OR4F15: variants seen among roughly 807,000 people sequenced by gnomAD.
OR4F15 encodes olfactory receptor 4F15.
In OR4F15, 7 loss-of-function variants were observed where a neutral mutation model predicts 11.9. The ratio of observed to expected loss-of-function variants is 0.59; its 90% CI spans 0.33 to 1.10. OR4F15 has a LOEUF of 1.10. Among genes scored for constraint, OR4F15 ranks in the 50% least tolerant of loss-of-function variants. OR4F15 has a pLI of 0.03. For missense variants in OR4F15, 445 were observed against 377.5 expected (o/e 1.18, Z -1.48); for synonymous variants, 151 against 134.6 (o/e 1.12, Z -0.84).
intron 1 of OR4F15, among the ~76,000 whole-genome samples, chr15:101,817,108 A>G: frequency 6.6e-6 from 1 of 152,216 alleles, no homozygotes; most frequent in East Asian, 1.9e-4. Flanking sequence ...AAAATCATTT[A>G]TAAAATGAAG....
At chr15:101,813,460 G>A (rs187851048) in intron 1 of OR4F15, among the ~76,000 whole-genome samples, 440 of 147,764 alleles carry the variant, frequency 3.0e-3, no homozygotes, top group African/African-American at 0.011. Context: ...AGTGAACCGA[G>A]ATTGTGCCAT....
rs761855086 is a variant in OR4F15 at position 101,819,038 on chromosome 15, A to G, written c.852A>G (p.Pro284=). Reference sequence around the variant, plus strand: ...CATTTATTACTCCTTTTCTGAATCCAGTTATCTACACATTCAGGAACAAAG... The same window carrying G: ...CATTTATTACTCCTTTTCTGAATCCGGTTATCTACACATTCAGGAACAAAG... ...FDAFITPFLN[P]VIYTFRNKDM... Residue 284 remains proline (P), a synonymous_variant, in exon 2 of 2, where the codon CCA becomes CCG. Coordinates refer to ENST00000332238, the MANE Select transcript of OR4F15 (RefSeq NM_001001674.2). The G allele has an allele frequency of 1.2e-6, 2 of 1,613,770 alleles. No individual in the cohort carries two copies. The highest frequency in any genetic ancestry group is 1.3e-5 in the African/African-American group (1 of 74,868).
Position 101,819,091 on chromosome 15 carries a change from GC to G in OR4F15, c.906del (p.Cys302Ter). On this transcript the variant is annotated frameshift_variant, in exon 2 of 2. Transcript: ENST00000332238. LOFTEE classifies it high-confidence loss of function. ...ATGAAAGTGGCAATGAGGAGACTGT[GC>G]AGTCGTCTTGCGCATTTTACAAAGA... ...KDMKVAMRRLCSRLAHFTKIL is the reference protein window; with the variant it reads ...KDMKVAMRRLXSRLAHFTKIL 1 of 1,612,440 alleles carries G rather than the reference GC, an allele frequency of 6.2e-7. No homozygotes were observed. The highest frequency in any genetic ancestry group is 2.2e-5 in the East Asian group (1 of 44,822).
intron 1 of OR4F15, 145 bp from the exon 2 acceptor site, chr15:101,818,005 A>T (rs1903019905): frequency 3.5e-6 from 2 of 567,968 alleles, no homozygotes; most frequent in Non-Finnish European, 6.2e-6. Flanking sequence ...TGACCCCTCT[A>T]AGTGGAAGTC....
chr15:101,816,569 G>C (rs1419489790), intron 1 of OR4F15, among the ~76,000 whole-genome samples: 3 of 152,006 alleles, frequency 2.0e-5, no homozygotes, highest in Non-Finnish European at 4.4e-5. Context: ...AATGTAACAA[G>C]TATTTACTGT....
In OR4F15 at chr15:101,818,654, A is replaced by G. The variant is rs1596374230; in HGVS notation, c.468A>G (p.Ser156=). ...CCTCTATCATTGGCCTTATCCACTC[A>G]TTGGTCCAATTAGTTTTTGTGGTAG... ...ATSSIIGLIH[S]LVQLVFVVDL... The change falls in exon 2 of 2, where the codon TCA becomes TCG. Residue 156 remains serine, a synonymous_variant. Transcript: ENST00000332238. 1.9e-6 allele frequency: 3 copies of G among 1,614,030 alleles called. No homozygotes were observed. Among genetic ancestry groups the G allele is most frequent in the Non-Finnish European group, 2.5e-6 (3 of 1,179,968 alleles).
Position 101,819,183 on chromosome 15 carries a change from A to G in OR4F15, c.*58A>G, listed in dbSNP as rs940950935. On this transcript the variant is annotated 3_prime_UTR_variant, in exon 2 of 2. Transcript: ENST00000332238. ...TTACTCCTCATGCTGATTGCATAAA[A>G]GAAACTGCAATTTCAGAGAAATACT... The G allele has an allele frequency of 8.7e-7, 1 of 1,149,754 alleles. No individual in the cohort carries two copies. The highest frequency in any genetic ancestry group is 2.0e-4 in the Middle Eastern group (1 of 4,980). 71.2% of individuals were successfully genotyped at this position (1,149,754 alleles called of 1,614,324 possible).
chr15:101,819,144 T>G lies in OR4F15; in HGVS notation c.*19T>G. 1 of 1,498,228 alleles carries G rather than the reference T, an allele frequency of 6.7e-7. No homozygotes were observed. Among genetic ancestry groups the G allele is most frequent in the East Asian group, 2.3e-5 (1 of 42,880 alleles). 92.8% of individuals were successfully genotyped at this position (1,498,228 alleles called of 1,614,324 possible). ...TTTGTAAATGGCTTGGCTGTCAAGA[T>G]GTGTAACTATGGATTACTCCTCATG... On this transcript the variant is annotated 3_prime_UTR_variant, in exon 2 of 2. Coordinates refer to ENST00000332238, the MANE Select transcript of OR4F15 (RefSeq NM_001001674.2).
intron 1 of OR4F15, among the ~76,000 whole-genome samples, chr15:101,817,035 A>G (rs943244687): frequency 2.6e-5 from 4 of 152,152 alleles, no homozygotes; most frequent in Non-Finnish European, 5.9e-5. Context: ...GGGGTGTATT[A>G]TCTACATTAG....
rs1903039555 is a variant in OR4F15 at position 101,818,506 on chromosome 15, T to C, written c.320T>C (p.Leu107Pro). The C allele has an allele frequency of 1.2e-6, 2 of 1,614,074 alleles. No individual in the cohort carries two copies. Among genetic ancestry groups the C allele is most frequent in the Admixed American group, 1.7e-5 (1 of 59,992 alleles). ...CITQIFFSHA[L>P]GGTEMVLLIA... is the part of the protein sequence containing the mutation. ...ACTCAGATCTTCTTTAGCCATGCTC[T>C]TGGGGGCACTGAGATGGTGCTGCTC... The change falls in exon 2 of 2, where the codon CTT becomes CCT. Residue 107 changes from leucine (L) to proline (P), a missense_variant. By Grantham distance (98) the Leu-to-Pro change is moderately conservative. Coordinates refer to ENST00000332238, the MANE Select transcript of OR4F15 (RefSeq NM_001001674.2).
At chr15:101,816,853 C>G (rs1902997269) in intron 1 of OR4F15, among the ~76,000 whole-genome samples, 1 of 152,120 alleles carries the variant, frequency 6.6e-6, no homozygotes, top group Non-Finnish European at 1.5e-5. Context: ...ATTTTCTGGA[C>G]TTAATCTCCA....
At chr15:101,813,723 A>G (rs1413833412) in intron 1 of OR4F15, among the ~76,000 whole-genome samples, 1 of 152,222 alleles carries the variant, frequency 6.6e-6, no homozygotes, top group African/African-American at 2.4e-5. Flanking sequence ...AGTGATCATA[A>G]ATCTATTCTA....
intron 1 of OR4F15, among the ~76,000 whole-genome samples, chr15:101,815,723 G>A (rs925741034): frequency 6.6e-6 from 1 of 152,126 alleles, no homozygotes; most frequent in Non-Finnish European, 1.5e-5. Flanking sequence ...CTCTGGAATT[G>A]TATCTGGAAT....
chr15:101,818,372 C>T lies in OR4F15; in HGVS notation c.186C>T (p.Leu62=), dbSNP rs372758917. 143 of 1,614,050 alleles carry T rather than the reference C, an allele frequency of 8.9e-5. 1 individual carries two copies. Among genetic ancestry groups the T allele is most frequent in the Admixed American group, 1.3e-4 (8 of 60,000 alleles). ...ATCTGCACTCCCCCATGTATTTCCTCCTGGCTAACCTCTCAATCATTGATA... is the reference window on the plus strand; with the variant it reads ...ATCTGCACTCCCCCATGTATTTCCTTCTGGCTAACCTCTCAATCATTGATA... The part of the protein sequence containing the change: ...DAHLHSPMYF[L]LANLSIIDMA... The change falls in exon 2 of 2, where the codon CTC becomes CTT. Residue 62 remains leucine, a synonymous_variant. Coordinates refer to ENST00000332238, the MANE Select transcript of OR4F15 (RefSeq NM_001001674.2).
chr15:101,812,555 GA>G (rs1007706702), intron 1 of OR4F15, among the ~76,000 whole-genome samples: 3 of 152,148 alleles, frequency 2.0e-5, no homozygotes, highest in Admixed American at 6.5e-5. Flanking sequence ...CCCTGAAAAT[GA>G]AGACAAACAT....
At chr15:101,814,390 A>G (rs980078852) in intron 1 of OR4F15, among the ~76,000 whole-genome samples, 1 of 152,212 alleles carries the variant, frequency 6.6e-6, no homozygotes. Flanking sequence ...TGCGATCTCC[A>G]CTAAGGAAAG....
intron 1 of OR4F15, among the ~76,000 whole-genome samples, chr15:101,812,565 A>G (rs1466089327): frequency 6.6e-6 from 1 of 152,320 alleles, no homozygotes; most frequent in South Asian, 2.1e-4. Context: ...GAAGACAAAC[A>G]TGCTTGTTGT....
rs774294903 is a variant in OR4F15 at position 101,819,030 on chromosome 15, C to A, written c.844C>A (p.Leu282Met). The A allele has an allele frequency of 1.2e-6, 2 of 1,613,946 alleles. No individual in the cohort carries two copies. The highest frequency in any genetic ancestry group is 2.2e-5 in the South Asian group (2 of 91,074). The change falls in exon 2 of 2, where the codon CTG becomes ATG. Residue 282 changes from leucine (L) to methionine (M), a missense_variant. Physicochemically the swap from Leu to Met is conservative, Grantham distance 15. Transcript: ENST00000332238. ...AIFDAFITPF[L>M]NPVIYTFRNK... is the part of the protein sequence containing the mutation. ...TTTTGATGCATTTATTACTCCTTTT[C>A]TGAATCCAGTTATCTACACATTCAG...
At chr15:101,814,226 T>C (rs548507052) in intron 1 of OR4F15, among the ~76,000 whole-genome samples, 3 of 152,346 alleles carry the variant, frequency 2.0e-5, no homozygotes, top group Admixed American at 2.0e-4. Flanking sequence ...AGTTCTGGCT[T>C]CATTCCTGCG....
Sources: gnomAD v4.1 joint callset for allele counts (sites outside exome capture counted in the v4.1 genomes callset) on GRCh38, gnomAD v4.1.1 for gene constraint, MANE v1.5 for transcripts, NCBI Gene and HGNC (gene_info 2026-07-23, HGNC 2026-07-21) for gene names.